The following DMXL2 variants were observed in gnomAD, a reference collection of about 807,000 sequenced individuals.
The protein encoded by DMXL2 is dmX-like protein 2.
DMXL2 carries 103 observed loss-of-function variants against 331.1 expected under a neutral mutation model. The observed-to-expected ratio is 0.31, with a 90% CI of 0.27 to 0.37. The LOEUF is 0.37. Among genes scored for constraint, DMXL2 ranks in the 10% least tolerant of loss-of-function variants. The pLI, the probability that DMXL2 is intolerant of heterozygous loss-of-function variation, is 1.00. For missense variants in DMXL2, 3,171 were observed against 3,642.9 expected, an observed-to-expected ratio of 0.87 and a Z score of 3.33; for synonymous variants, 1,281 against 1,252.1, an observed-to-expected ratio of 1.02 and a Z score of -0.49.
intron 8 of DMXL2, 37 bp from the exon 9 acceptor site, chr15:51,542,544 A>G: frequency 8.6e-6 from 13 of 1,519,702 alleles, no homozygotes; most frequent in Non-Finnish European, 1.2e-5. Flanking sequence ...CCAACTCTGG[A>G]ACCTCTAATA....
intron 3 of DMXL2, 93 bp from the exon 4 acceptor site, chr15:51,565,259 C>A: frequency 1.4e-6 from 1 of 704,678 alleles, no homozygotes; most frequent in Non-Finnish European, 2.2e-6. Context: ...TTTTCTTCAA[C>A]TTAAGACTTT....
intron 14 of DMXL2, among the ~76,000 whole-genome samples, 174 bp downstream of exon 14, chr15:51,516,904 A>C (rs2047067217): frequency 6.6e-6 from 1 of 152,262 alleles, no homozygotes; most frequent in Admixed American, 6.5e-5. Flanking sequence ...TGGTTTCCCA[A>C]GGAGAAAAAT....
At chr15:51,482,909 A>T (rs1267817022) in intron 23 of DMXL2, among the ~76,000 whole-genome samples, 1 of 152,230 alleles carries the variant, frequency 6.6e-6, no homozygotes, top group African/African-American at 2.4e-5. Flanking sequence ...AAGGGAGAGC[A>T]CTAGAGTGCA....
At position 51,523,893 on chromosome 15, in the gene DMXL2, A is replaced by G. The variant is rs565246906; in HGVS notation, c.2437-6726T>C. On this transcript the variant is annotated intron_variant, in intron 13 of 43. Coordinates refer to ENST00000560891, the MANE Select transcript of DMXL2 (RefSeq NM_001378457.1). Reference sequence around the variant, plus strand: ...ATTCACAATATAGTTGGAGACTGCAATACCTCGCTCTCAAGACTTGATAGA... The same window carrying G: ...ATTCACAATATAGTTGGAGACTGCAGTACCTCGCTCTCAAGACTTGATAGA... Among the ~76,000 whole-genome samples the G allele has an allele frequency of 7.9e-5, 12 of 152,366 alleles. No individual in the cohort carries two copies. The South Asian group carries it at 2.5e-3, about 32-fold the overall frequency.
chr15:51,615,077 A>C (rs2054208369), intron 1 of DMXL2, among the ~76,000 whole-genome samples: 1 of 152,204 alleles, frequency 6.6e-6, no homozygotes, highest in African/African-American at 2.4e-5. Context: ...ACATAAATGG[A>C]AGAGAAAAGG....
chr15:51,573,081 C>CAT lies in DMXL2; in HGVS notation c.213+2973_213+2974dup, dbSNP rs1179238259. 1.9e-4 allele frequency among the ~76,000 whole-genome samples: 29 copies of CAT among 151,780 alleles called. 1 individual carries two copies. The highest frequency in any genetic ancestry group is 1.8e-3 in the Admixed American group (28 of 15,232). On this transcript the variant is annotated intron_variant, in intron 2 of 43. Coordinates refer to ENST00000560891, the MANE Select transcript of DMXL2 (RefSeq NM_001378457.1). ...TCTCCTTAAGCTGATAAGCAACAAA[C>CAT]ATATGAAAAAAAATGTTCGTCATCA...
intron 41 of DMXL2, 114 bp downstream of exon 41, chr15:51,453,436 T>A: frequency 2.2e-6 from 1 of 452,936 alleles, no homozygotes; most frequent in Non-Finnish European, 3.5e-6. Context: ...TGTAACAAAG[T>A]TTTTTTTTTT....
intron 12 of DMXL2, among the ~76,000 whole-genome samples, 156 bp downstream of exon 12, chr15:51,536,010 T>C (rs908162117): frequency 6.6e-6 from 1 of 152,194 alleles, no homozygotes; most frequent in Admixed American, 6.5e-5. Flanking sequence ...TAAAAATCAG[T>C]CTCATGCCTG....
At chr15:51,620,550 T>G (rs1017538502) in intron 1 of DMXL2, among the ~76,000 whole-genome samples, 2 of 152,204 alleles carry the variant, frequency 1.3e-5, no homozygotes, top group Non-Finnish European at 2.9e-5. Context: ...TAAAAACAAT[T>G]ACATATTCTT....
At chr15:51,615,947 C>T (rs1444150268) in intron 1 of DMXL2, among the ~76,000 whole-genome samples, 1 of 152,154 alleles carries the variant, frequency 6.6e-6, no homozygotes, top group East Asian at 1.9e-4. Context: ...AACACACTTA[C>T]GACTTTTTGA....
chr15:51,508,831 A>T (rs1241856411), intron 15 of DMXL2, among the ~76,000 whole-genome samples: 1 of 152,202 alleles, frequency 6.6e-6, no homozygotes, highest in East Asian at 1.9e-4. Flanking sequence ...TTTTCTTTAC[A>T]GATGCTTTCC....
Position 51,499,441 on chromosome 15 carries a change from C to G in DMXL2, c.3783G>C (p.Val1261=). The change falls in exon 18 of 44, where the codon GTG becomes GTC. Residue 1261 remains valine, a synonymous_variant. Coordinates refer to ENST00000560891, the MANE Select transcript of DMXL2 (RefSeq NM_001378457.1). The part of the protein sequence containing the change: ...SLSWVRDGIL[V]VGMDCEMHVY... ...CATGCATTTCACAATCCATTCCTAC[C>G]ACCAATATCCCATCTCTTACCCAAG... 6.2e-7 allele frequency: 1 copy of G among 1,614,002 alleles called. No homozygotes were observed. The highest frequency in any genetic ancestry group is 8.5e-7 in the Non-Finnish European group (1 of 1,180,010).
intron 29 of DMXL2, among the ~76,000 whole-genome samples, chr15:51,470,327 G>A (rs569140213): frequency 2.7e-4 from 41 of 152,060 alleles, no homozygotes; most frequent in African/African-American, 8.7e-4. Flanking sequence ...CAGAGACATG[G>A]TCTATGTTGT....
At chr15:51,574,157 G>A (rs1449992158) in intron 2 of DMXL2, among the ~76,000 whole-genome samples, 2 of 152,132 alleles carry the variant, frequency 1.3e-5, no homozygotes, top group East Asian at 1.9e-4. Flanking sequence ...GGAAAGAGCT[G>A]ATGAAGACAT....
At chr15:51,593,439 G>A (rs983977552) in intron 1 of DMXL2, among the ~76,000 whole-genome samples, 2 of 152,146 alleles carry the variant, frequency 1.3e-5, no homozygotes, top group Non-Finnish European at 2.9e-5. Context: ...CCTAGAAAGA[G>A]ACTTAGACTC....
chr15:51,476,603 G>A lies in DMXL2; in HGVS notation c.6950C>T (p.Pro2317Leu), dbSNP rs759034546. Residue 2317 changes from proline to leucine, a missense_variant, in exon 27 of 44, where the codon CCT becomes CTT. By Grantham distance (98) the Pro-to-Leu change is moderately conservative. Around this residue, in one of 7 missense-constraint regions of DMXL2, gnomAD observed 766 missense variants for 940.5 expected, o/e 0.81. Transcript: ENST00000560891. ...TAAATTCTCACCAGGCCATTGAGCAGGAGATGAATTTGGTGTTGCGTGTTC... is the reference window on the plus strand; with the variant it reads ...TAAATTCTCACCAGGCCATTGAGCAAGAGATGAATTTGGTGTTGCGTGTTC... ...IEEHATPNSS[P>L]AQWPGVSSLI... 6.2e-7 allele frequency: 1 copy of A among 1,607,376 alleles called. No individual in the cohort carries two copies. Among genetic ancestry groups the A allele is most frequent in the Admixed American group, 1.7e-5 (1 of 58,674 alleles).
intron 13 of DMXL2, among the ~76,000 whole-genome samples, chr15:51,530,587 T>TGAAA (rs2047944589): frequency 8.3e-6 from 1 of 120,200 alleles, no homozygotes; most frequent in African/African-American, 3.0e-5. Flanking sequence ...CCATCTCTAC[T>TGAAA]AAAAAAAAAA....
intron 25 of DMXL2, 96 bp from the exon 26 acceptor site, chr15:51,478,443 AT>A: frequency 1.9e-6 from 2 of 1,036,390 alleles, no homozygotes; most frequent in South Asian, 2.9e-5. Context: ...ACCTAGCAAC[AT>A]CATAAATAAG....
At chr15:51,611,259 C>T (rs2053951643) in intron 1 of DMXL2, among the ~76,000 whole-genome samples, 1 of 152,012 alleles carries the variant, frequency 6.6e-6, no homozygotes, top group Admixed American at 6.6e-5. Context: ...TAACCAATGG[C>T]AGTAATGACA....
Sources: gnomAD v4.1 joint callset for allele counts (sites outside exome capture counted in the v4.1 genomes callset) on GRCh38, gnomAD v4.1.1 for gene constraint, gnomAD v4.1.1 regional missense constraint, MANE v1.5 for transcripts, NCBI Gene and HGNC (gene_info 2026-07-23, HGNC 2026-07-21) for gene names.